The following SLC24A3 variants were observed in gnomAD, a reference collection of about 807,000 sequenced individuals.
SLC24A3 encodes sodium/potassium/calcium exchanger 3.
A neutral mutation model predicts 75.8 loss-of-function variants in SLC24A3; 28 were observed. That is an observed-to-expected ratio of 0.37 (90% CI 0.27 to 0.51). The LOEUF (loss-of-function observed/expected upper bound fraction) is 0.51, where lower values mean the gene tolerates loss of function less well. Among genes scored for constraint, SLC24A3 ranks in the 20% least tolerant of loss-of-function variants. The pLI, the probability that SLC24A3 is intolerant of heterozygous loss-of-function variation, is 0.94. For missense variants in SLC24A3, 663 were observed against 847.8 expected, an observed-to-expected ratio of 0.78 and a Z score of 2.71; for synonymous variants, 372 against 334.1, an observed-to-expected ratio of 1.11 and a Z score of -1.24.
At chr20:19,589,245 T>A (rs1392323427) in intron 6 of SLC24A3, among the ~76,000 whole-genome samples, 1 of 152,224 alleles carries the variant, frequency 6.6e-6, no homozygotes, top group Non-Finnish European at 1.5e-5. Flanking sequence ...GTTATCACTG[T>A]GGGTAACAGA....
intron 2 of SLC24A3, among the ~76,000 whole-genome samples, chr20:19,391,855 C>T (rs1470119421): frequency 1.3e-5 from 2 of 152,168 alleles, no homozygotes; most frequent in African/African-American, 2.4e-5. Context: ...AGGCTTGTGT[C>T]TATAAAGAGA....
chr20:19,281,954 CGAA>C (rs1983677854), intron 2 of SLC24A3, among the ~76,000 whole-genome samples: 1 of 152,160 alleles, frequency 6.6e-6, no homozygotes, highest in Admixed American at 6.5e-5. Context: ...ACTTGGACCT[CGAA>C]GCTCTCTGGG....
At chr20:19,264,581 T>C (rs900001792) in intron 1 of SLC24A3, among the ~76,000 whole-genome samples, 4 of 151,520 alleles carry the variant, frequency 2.6e-5, no homozygotes, top group Non-Finnish European at 5.9e-5. Context: ...AAAAAAAAAT[T>C]AGCTGGGCAT....
chr20:19,380,504 G>T (rs1986162625), intron 2 of SLC24A3, among the ~76,000 whole-genome samples: 1 of 152,168 alleles, frequency 6.6e-6, no homozygotes, highest in Admixed American at 6.5e-5. Flanking sequence ...CTCTCTGGCT[G>T]CTGAGCTGCT....
intron 2 of SLC24A3, among the ~76,000 whole-genome samples, chr20:19,430,125 A>G (rs987089030): frequency 6.6e-6 from 1 of 152,102 alleles, no homozygotes; most frequent in Non-Finnish European, 1.5e-5. Context: ...CCACCCTAAT[A>G]CTATGTCTTT....
At chr20:19,524,225 C>T (rs2122567741) in intron 3 of SLC24A3, among the ~76,000 whole-genome samples, 1 of 152,320 alleles carries the variant, frequency 6.6e-6, no homozygotes, top group South Asian at 2.1e-4. Context: ...AATTAAATGA[C>T]ACGCACTGAA....
chr20:19,327,858 G>A (rs1310665737), intron 2 of SLC24A3, among the ~76,000 whole-genome samples: 1 of 152,162 alleles, frequency 6.6e-6, no homozygotes, highest in Non-Finnish European at 1.5e-5. Context: ...TGGAACATAA[G>A]GACAAGGAAC....
intron 3 of SLC24A3, among the ~76,000 whole-genome samples, chr20:19,526,687 A>T (rs924368900): frequency 2.6e-5 from 4 of 152,186 alleles, no homozygotes; most frequent in Non-Finnish European, 5.9e-5. Context: ...TGGTGGGGAG[A>T]GTGGGTTTTC....
intron 2 of SLC24A3, among the ~76,000 whole-genome samples, chr20:19,389,967 T>A (rs182540475): frequency 2.5e-4 from 38 of 152,328 alleles, no homozygotes; most frequent in African/African-American, 8.9e-4. Flanking sequence ...ATGACCTTTC[T>A]TTAAGCTCGA....
At chr20:19,229,793 C>T (rs1269769181) in intron 1 of SLC24A3, among the ~76,000 whole-genome samples, 1 of 152,068 alleles carries the variant, frequency 6.6e-6, no homozygotes, top group Non-Finnish European at 1.5e-5. Context: ...CCTCTTCATT[C>T]TGTAAGAGCC....
chr20:19,451,461 C>T (rs1361962771), intron 2 of SLC24A3, among the ~76,000 whole-genome samples: 1 of 152,202 alleles, frequency 6.6e-6, no homozygotes, highest in Non-Finnish European at 1.5e-5. Flanking sequence ...GCCCTTTGAG[C>T]GGAGCCAATC....
chr20:19,515,579 G>C lies in SLC24A3; in HGVS notation c.348+15G>C. 1.9e-6 allele frequency: 3 copies of C among 1,613,874 alleles called. No homozygotes were observed. The highest frequency in any genetic ancestry group is 2.5e-6 in the Non-Finnish European group (3 of 1,179,760). On this transcript the variant is annotated intron_variant, in intron 3 of 16. Transcript: ENST00000328041. Reference sequence around the variant, plus strand: ...ATGTGCTCTGTGTAAGTACCCCTCTGTGCCTCTGCCTGGAGGGTCCATAGG... The same window carrying C: ...ATGTGCTCTGTGTAAGTACCCCTCTCTGCCTCTGCCTGGAGGGTCCATAGG...
intron 3 of SLC24A3, among the ~76,000 whole-genome samples, chr20:19,561,406 T>C (rs1177696539): frequency 6.6e-6 from 1 of 152,126 alleles, no homozygotes; most frequent in Non-Finnish European, 1.5e-5. Flanking sequence ...GAATGTGAAA[T>C]CTGGTTTGGG....
In SLC24A3 at chr20:19,635,628, G is replaced by A. The variant is rs142209926; in HGVS notation, c.613-18434G>A. Among the ~76,000 whole-genome samples, 443 of 152,306 alleles carry A rather than the reference G, an allele frequency of 2.9e-3. 3 individuals are homozygous for A. The highest frequency in any genetic ancestry group is 9.3e-3 in the African/African-American group (388 of 41,570). ...AAATACTGGAATAGCTGGAGGTGAC[G>A]TGAATGACTGGGGCTGGAATCATCT... is the stretch of plus-strand genomic sequence containing the variant. On this transcript the variant is annotated intron_variant, in intron 6 of 16. Transcript: ENST00000328041.
rs192511897 is a variant in SLC24A3 at position 19,635,393 on chromosome 20, G to A, written c.613-18669G>A. On this transcript the variant is annotated intron_variant, in intron 6 of 16. Transcript: ENST00000328041. ...TCTCTGAGCTTAAAGCACAGAATCA[G>A]AAAATTTGGTGTGTGAGTAGGTTGA... 4.6e-3 allele frequency among the ~76,000 whole-genome samples: 707 copies of A among 152,326 alleles called. 5 individuals carry two copies. Among genetic ancestry groups the A allele is most frequent in the Middle Eastern group, 0.024 (7 of 292 alleles).
At chr20:19,706,052 A>G (rs2032926502) in intron 15 of SLC24A3, among the ~76,000 whole-genome samples, 1 of 152,216 alleles carries the variant, frequency 6.6e-6, no homozygotes, top group Non-Finnish European at 1.5e-5. Context: ...GCTAGGGCTT[A>G]GAAATGTAAA....
intron 3 of SLC24A3, among the ~76,000 whole-genome samples, chr20:19,544,546 A>T (rs184479310): frequency 6.6e-6 from 1 of 152,282 alleles, no homozygotes; most frequent in East Asian, 1.9e-4. Flanking sequence ...ACCAGACTAA[A>T]ATTCACAGGG....
rs73900119 is a variant in SLC24A3 at position 19,435,833 on chromosome 20, T to C, written c.272-79655T>C. 3.0e-3 allele frequency among the ~76,000 whole-genome samples: 462 copies of C among 152,318 alleles called. 4 individuals are homozygous for C. The highest frequency in any genetic ancestry group is 0.011 in the African/African-American group (451 of 41,564). On this transcript the variant is annotated intron_variant, in intron 2 of 16. Coordinates refer to ENST00000328041, the MANE Select transcript of SLC24A3 (RefSeq NM_020689.4). Reference sequence around the variant, plus strand: ...TAGAACAGAGAAAAGTCTGCCCTGCTGACTTGCCTACACCTCACATTGTAG... The same window carrying C: ...TAGAACAGAGAAAAGTCTGCCCTGCCGACTTGCCTACACCTCACATTGTAG...
At chr20:19,397,647 C>CTTTTTTT (rs3057518) in intron 2 of SLC24A3, among the ~76,000 whole-genome samples, 8 of 117,102 alleles carry the variant, frequency 6.8e-5, no homozygotes, top group African/African-American at 1.2e-4. Context: ...TTTTTCTTTT[C>CTTTTTTT]TTTTTTTTTT....
Sources: gnomAD v4.1 joint callset for allele counts (sites outside exome capture counted in the v4.1 genomes callset) on GRCh38, gnomAD v4.1.1 for gene constraint, MANE v1.5 for transcripts, NCBI Gene and HGNC (gene_info 2026-07-23, HGNC 2026-07-21) for gene names.